ZNF444: variants seen among roughly 807,000 people sequenced by gnomAD.
The protein encoded by ZNF444 is endothelial zinc finger protein 2.
A neutral mutation model predicts 14.4 loss-of-function variants in ZNF444; 8 were observed. That is an observed-to-expected ratio of 0.56 (90% CI 0.33 to 1.00). The LOEUF (loss-of-function observed/expected upper bound fraction) is 1.00, where lower values mean the gene tolerates loss of function less well. Ranked by LOEUF, ZNF444 falls within the 50% of genes least tolerant of loss-of-function variation. The pLI, the probability that ZNF444 is intolerant of heterozygous loss-of-function variation, is 0.03. For missense variants in ZNF444, 510 were observed against 504.8 expected (o/e 1.01, Z -0.10); for synonymous variants, 258 against 235.9 (o/e 1.09, Z -0.86).
chr19:56,143,533 T>C (rs1185812621), intron 1 of ZNF444: 1 of 152,228 alleles, frequency 6.6e-6, no homozygotes, highest in Non-Finnish European at 1.5e-5. Context: ...GGTGATGCTG[T>C]GGCCTGGCTG....
chr19:56,152,483 GTTT>G (rs113205489), intron 3 of ZNF444, among the ~76,000 whole-genome samples: 1 of 122,542 alleles, frequency 8.2e-6, no homozygotes, highest in African/African-American at 2.8e-5. Flanking sequence ...CCAGGGTTTT[GTTT>G]TTTTTTTTTT....
In ZNF444 at chr19:56,159,642, CTGAGGGGCCGGCGCCTGGGGA is replaced by C; in HGVS notation, c.426_446del (p.Glu143_Asp149del). ...TTCCCAGCAGGCACCGCCCCTGGGG[CTGAGGGGCCGGCGCCTGGGGA>C]CTCCCAGGCTGTGCGCCCCTACAAG... On this transcript the variant is annotated inframe_deletion, in exon 5 of 5. Coordinates refer to ENST00000337080, the MANE Select transcript of ZNF444 (RefSeq NM_018337.4). The C allele has an allele frequency of 3.4e-6, 5 of 1,452,422 alleles. No individual in the cohort carries two copies. Among genetic ancestry groups the C allele is most frequent in the African/African-American group, 1.5e-5 (1 of 68,758 alleles). 90.0% of individuals were successfully genotyped at this position (1,452,422 alleles called of 1,614,324 possible). A position where few individuals can be genotyped will look rare whatever the true frequency, so the allele number is the denominator to read the frequency against.
At chr19:56,133,769 C>T (rs1008830670) in intron 1 of ZNF444, among the ~76,000 whole-genome samples, 3 of 149,536 alleles carry the variant, frequency 2.0e-5, no homozygotes, top group Admixed American at 6.7e-5. Flanking sequence ...GCCAAGATCG[C>T]GCCACTGCAC....
intron 3 of ZNF444, among the ~76,000 whole-genome samples, chr19:56,148,650 G>A (rs1258452250): frequency 2.6e-5 from 4 of 152,106 alleles, no homozygotes; most frequent in African/African-American, 9.7e-5. Context: ...TGGCACCTCT[G>A]TGCTGGCTCT....
At chr19:56,148,867 T>G (rs796078352) in intron 3 of ZNF444, among the ~76,000 whole-genome samples, 2 of 152,060 alleles carry the variant, frequency 1.3e-5, no homozygotes, top group African/African-American at 4.8e-5. Context: ...TTCTCAAGTC[T>G]CCAAAATCAA....
chr19:56,159,787 A>G lies in ZNF444; in HGVS notation c.570A>G (p.Lys190=), dbSNP rs1231634944. Reference sequence around the variant, plus strand: ...CCGAGTGCGGCAAAACGTCCCTGAAACCAGCTCACCTGCTGCGCCACCGGC... The same window carrying G: ...CCGAGTGCGGCAAAACGTCCCTGAAGCCAGCTCACCTGCTGCGCCACCGGC... ...SCPECGKTSL[K]PAHLLRHRQS... Residue 190 remains lysine (K), a synonymous_variant, in exon 5 of 5, where the codon AAA becomes AAG. Transcript: ENST00000337080. The G allele has an allele frequency of 6.3e-7, 1 of 1,592,814 alleles. No homozygotes were observed. The highest frequency in any genetic ancestry group is 8.5e-7 in the Non-Finnish European group (1 of 1,174,050).
rs756014746 is a variant in ZNF444 at position 56,147,115 on chromosome 19, C to G, written c.204C>G (p.Phe68Leu). ...TGGAGCTGCTGGTGCTGGAACAGTT[C>G]CTGAGCGCGCTGCCCGCCGACACGC... ...QMLELLVLEQ[F>L]LSALPADTQA... Residue 68 changes from phenylalanine (F) to leucine (L), a missense_variant, in exon 3 of 5, where the codon TTC becomes TTG. Transcript: ENST00000337080. This position sits in a 1 kb window ranked among gnomAD's most constrained non-coding sequence, Gnocchi z 5.9. 1 of 1,578,214 alleles carries G rather than the reference C, an allele frequency of 6.3e-7. No homozygotes were observed. Among genetic ancestry groups the G allele is most frequent in the Non-Finnish European group, 8.6e-7 (1 of 1,166,376 alleles).
chr19:56,157,726 A>G (rs1412023436), intron 3 of ZNF444: 1 of 152,200 alleles, frequency 6.6e-6, no homozygotes, highest in Admixed American at 6.5e-5. Context: ...TTTTCACACC[A>G]GTGATTGCTT....
In ZNF444 at chr19:56,159,839, G is replaced by A. The variant is rs745544449; in HGVS notation, c.622G>A (p.Ala208Thr). Residue 208 changes from alanine to threonine, a missense_variant, in exon 5 of 5, where the codon GCC becomes ACC. Coordinates refer to ENST00000337080, the MANE Select transcript of ZNF444 (RefSeq NM_018337.4). ...RQSHSGEKPH[A>T]CPECGKAFRR... ...GAGCCACTCGGGCGAGAAGCCGCAC[G>A]CCTGCCCTGAGTGCGGGAAGGCCTT... is the stretch of plus-strand genomic sequence containing the variant. 7.7e-5 allele frequency: 121 copies of A among 1,563,406 alleles called. No homozygotes were observed. The highest frequency in any genetic ancestry group is 9.4e-5 in the East Asian group (4 of 42,592).
chr19:56,159,576 G>T (rs1737551114), intron 4 of ZNF444, 48 bp from the exon 5 acceptor site: 3 of 1,405,488 alleles, frequency 2.1e-6, no homozygotes, highest in African/African-American at 1.5e-5. Context: ...TGCTGTCCTT[G>T]CCCCGCCCTC....
intron 3 of ZNF444, chr19:56,149,728 A>C (rs1044075560): frequency 6.6e-6 from 1 of 152,122 alleles, no homozygotes; most frequent in Non-Finnish European, 1.5e-5. Flanking sequence ...GAGTGAGAAC[A>C]CATGGTGTTT....
chr19:56,136,672 G>A (rs528751753), upstream of ZNF444, among the ~76,000 whole-genome samples: 20 of 152,310 alleles, frequency 1.3e-4, no homozygotes, highest in South Asian at 3.7e-3. Context: ...AGAAGGTACC[G>A]ATGCATAGGA....
At position 56,160,179 on chromosome 19, in the gene ZNF444, T is replaced by G. The variant is rs1390034880; in HGVS notation, c.962T>G (p.Phe321Cys). Reference sequence around the variant, plus strand: ...CCGGGCCCGGATGGTGGAGGCCCCTTCCCGCCCTGGCCCTTGGGTTAGCCG... The same window carrying G: ...CCGGGCCCGGATGGTGGAGGCCCCTGCCCGCCCTGGCCCTTGGGTTAGCCG... ...VAPGPDGGGPFPPWPLG is the reference protein window; with the variant it reads ...VAPGPDGGGPCPPWPLG The change falls in exon 5 of 5, where the codon TTC (phenylalanine) becomes TGC (cysteine). Residue 321 changes from phenylalanine (F) to cysteine (C), a missense_variant. Coordinates refer to ENST00000337080, the MANE Select transcript of ZNF444 (RefSeq NM_018337.4). 3 of 1,470,016 alleles carry G rather than the reference T, an allele frequency of 2.0e-6. No individual in the cohort carries two copies. In the African/African-American group the frequency reaches 4.4e-5, roughly 22 times the overall value. 91.1% of individuals were successfully genotyped at this position (1,470,016 alleles called of 1,614,324 possible).
Position 56,135,193 on chromosome 19 carries a change from T to C in ZNF444, c.-197+2415T>C, listed in dbSNP as rs555513737. ...TTGCTGTGAGCCGAGATCGCGCCAC[T>C]GCACTCCAGCCTGGGTGACAGGGCG... is the stretch of plus-strand genomic sequence containing the variant. On this transcript the variant is annotated intron_variant, in intron 1 of 2. Coordinates refer to the ZNF444 transcript ENST00000587467. 7.2e-5 allele frequency among the ~76,000 whole-genome samples: 11 copies of C among 152,164 alleles called. No homozygotes were observed. In the East Asian group the frequency reaches 1.9e-3, roughly 27 times the overall value.
upstream of ZNF444, among the ~76,000 whole-genome samples, chr19:56,139,693 A>G (rs1011550188): frequency 1.7e-5 from 2 of 117,858 alleles, no homozygotes; most frequent in African/African-American, 3.4e-5. Context: ...ATCAAAAAAC[A>G]AAACAAAACA....
At chr19:56,154,811 AG>A (rs1213704566) in intron 3 of ZNF444, 1 of 152,146 alleles carries the variant, frequency 6.6e-6, no homozygotes, top group Non-Finnish European at 1.5e-5. Flanking sequence ...GTGGGTGGAC[AG>A]GCCTATGCAC....
rs144347040 is a variant in ZNF444, at chr19:56,145,660, C to T, written c.-196-587C>T. ...CTCTATTCTACGCCATGGGAGGACA[C>T]AAAAGGAGGCCGTCGGCAGCCTGGA... On this transcript the variant is annotated intron_variant, in intron 1 of 4. Transcript: ENST00000337080. The surrounding 1 kb of genome is among the most constrained non-coding windows in gnomAD (Gnocchi z 4.3). 6.3e-3 allele frequency among the ~76,000 whole-genome samples: 953 copies of T among 152,230 alleles called. 13 individuals are homozygous for T. The highest frequency in any genetic ancestry group is 0.022 in the African/African-American group (902 of 41,546).
chr19:56,153,702 G>A (rs2031726246), intron 3 of ZNF444, among the ~76,000 whole-genome samples: 1 of 152,226 alleles, frequency 6.6e-6, no homozygotes, highest in Non-Finnish European at 1.5e-5. Flanking sequence ...AATCGGGGAA[G>A]TGCAGAGAAA....
intron 1 of ZNF444, among the ~76,000 whole-genome samples, chr19:56,135,532 A>C (rs1456924167): frequency 6.6e-6 from 1 of 151,832 alleles, no homozygotes; most frequent in East Asian, 1.9e-4. Context: ...CTAAGTGAGG[A>C]GCTCCCACTA....
Sources: gnomAD v4.1 joint callset for allele counts (sites outside exome capture counted in the v4.1 genomes callset) on GRCh38, gnomAD v4.1.1 for gene constraint, Gnocchi (gnomAD v3.1) non-coding constraint, MANE v1.5 for transcripts, NCBI Gene and HGNC (gene_info 2026-07-23, HGNC 2026-07-21) for gene names.